The following INSYN2A variants were observed in gnomAD, a reference collection of about 807,000 sequenced individuals.
INSYN2A encodes inhibitory synaptic factor 2A, also known as family with sequence similarity 196 member A.
In INSYN2A, 17 loss-of-function variants were observed where a neutral mutation model predicts 39.4. That is an observed-to-expected ratio of 0.43 (90% CI 0.30 to 0.65). INSYN2A has a LOEUF of 0.65. Among genes scored for constraint, INSYN2A ranks in the 30% least tolerant of loss-of-function variants. The pLI is 0.14. For missense variants in INSYN2A, 595 were observed against 631.2 expected (o/e 0.94, Z 0.61); for synonymous variants, 255 against 265.7 (o/e 0.96, Z 0.39).
chr10:127,142,882 G>C (rs966890630), intron 5 of INSYN2A, among the ~76,000 whole-genome samples: 2 of 152,132 alleles, frequency 1.3e-5, no homozygotes, highest in African/African-American at 4.8e-5. Context: ...TTTTAAGTGT[G>C]GGGACTTTCT....
intron 2 of INSYN2A, among the ~76,000 whole-genome samples, chr10:127,179,856 G>A (rs1265214275): frequency 6.6e-6 from 1 of 152,172 alleles, no homozygotes; most frequent in Admixed American, 6.5e-5. Context: ...GTGCTCCTAT[G>A]TGCTAATCAA....
chr10:127,180,895 T>C (rs548566689), intron 2 of INSYN2A, among the ~76,000 whole-genome samples: 22 of 152,344 alleles, frequency 1.4e-4, no homozygotes, highest in South Asian at 4.1e-4. Context: ...GGTATTAAGA[T>C]AGCACATTCG....
At chr10:127,155,012 C>A (rs72834686) in intron 4 of INSYN2A, among the ~76,000 whole-genome samples, 8,001 of 152,138 alleles carry the variant, frequency 0.053, 277 homozygotes, top group Middle Eastern at 0.095. Flanking sequence ...TATTTTGTGT[C>A]CAGGCACAGA....
At chr10:127,191,173 C>A (rs541578931) in intron 2 of INSYN2A, among the ~76,000 whole-genome samples, 1 of 152,134 alleles carries the variant, frequency 6.6e-6, no homozygotes, top group Non-Finnish European at 1.5e-5. Context: ...CAAGCATCAC[C>A]CACGAAGTGA....
chr10:127,151,566 A>T (rs940295589), intron 5 of INSYN2A, among the ~76,000 whole-genome samples: 14 of 152,292 alleles, frequency 9.2e-5, no homozygotes, highest in African/African-American at 3.1e-4. Flanking sequence ...AGGGGGTGAC[A>T]GTCGGGTCTG....
At chr10:127,173,554 T>C (rs1051262063) in intron 4 of INSYN2A, among the ~76,000 whole-genome samples, 3 of 152,226 alleles carry the variant, frequency 2.0e-5, no homozygotes, top group Non-Finnish European at 2.9e-5. Flanking sequence ...GTATGCACAT[T>C]AGTGTACATA....
intron 1 of INSYN2A, among the ~76,000 whole-genome samples, chr10:127,193,742 T>C (rs2489381): frequency 0.58 from 87,864 of 152,078 alleles, 27,528 homozygotes; most frequent in East Asian, 0.75. Context: ...TATTTATTGA[T>C]TTATTTAAAA....
At chr10:127,189,117 C>T (rs2056534688) in intron 2 of INSYN2A, among the ~76,000 whole-genome samples, 1 of 152,190 alleles carries the variant, frequency 6.6e-6, no homozygotes, top group South Asian at 2.1e-4. Flanking sequence ...ACACTGGATG[C>T]AGGACCTACG....
chr10:127,146,144 G>T (rs117367773), intron 5 of INSYN2A: 13,278 of 461,850 alleles, frequency 0.029, 244 homozygotes, highest in Non-Finnish European at 0.041. Flanking sequence ...GAAACTGACA[G>T]CGTAGTCCCC....
chr10:127,148,141 C>CT (rs1491337883), intron 5 of INSYN2A, among the ~76,000 whole-genome samples: 1 of 152,164 alleles, frequency 6.6e-6, no homozygotes, highest in Non-Finnish European at 1.5e-5. Context: ...CAAGCTCCCC[C>CT]TCTCTGATGT....
At chr10:127,187,865 T>C (rs2056426514) in intron 2 of INSYN2A, among the ~76,000 whole-genome samples, 1 of 152,220 alleles carries the variant, frequency 6.6e-6, no homozygotes, top group African/African-American at 2.4e-5. Context: ...GGATGGAGAC[T>C]GGGTTCCACT....
chr10:127,158,681 A>G (rs947791983), intron 4 of INSYN2A, among the ~76,000 whole-genome samples: 1 of 152,222 alleles, frequency 6.6e-6, no homozygotes, highest in African/African-American at 2.4e-5. Context: ...ACAGGTATAA[A>G]TTGTGAAAAG....
At chr10:127,160,634 T>A (rs2053518941) in intron 4 of INSYN2A, among the ~76,000 whole-genome samples, 1 of 152,244 alleles carries the variant, frequency 6.6e-6, no homozygotes, top group South Asian at 2.1e-4. Flanking sequence ...TTCAAAATGT[T>A]CATTACATAG....
At chr10:127,162,749 G>A (rs1044163916) in intron 4 of INSYN2A, among the ~76,000 whole-genome samples, 2 of 152,142 alleles carry the variant, frequency 1.3e-5, no homozygotes, top group Non-Finnish European at 2.9e-5. Flanking sequence ...CAAAGGAGCC[G>A]ACATAACGAG....
intron 4 of INSYN2A, among the ~76,000 whole-genome samples, chr10:127,172,813 A>C (rs2133855105): frequency 6.6e-6 from 1 of 152,258 alleles, no homozygotes; most frequent in East Asian, 1.9e-4. Context: ...ATGCTTAAGA[A>C]CCAGGCACTG....
rs750530104 is a variant in INSYN2A at position 127,176,104 on chromosome 10, T to C, written c.292A>G (p.Asn98Asp). ...TGCACGCCTGTGCTCTTGGTGACGT[T>C]GGGGATGGACCTGCGTGCGGGCACT... ...MTVPARRSIP[N>D]VTKSTGVQTS... Residue 98 changes from asparagine to aspartate, a missense_variant, in exon 4 of 6, where the codon AAC becomes GAC. Physicochemically the swap from Asn to Asp is conservative, Grantham distance 23. This residue lies in a region of INSYN2A where 478 missense variants were observed against 467.4 expected (regional missense o/e 1.02). Coordinates refer to ENST00000522781, the MANE Select transcript of INSYN2A (RefSeq NM_001039762.3). The surrounding 1 kb of genome is among the most constrained non-coding windows in gnomAD (Gnocchi z 4.4). 1 of 1,614,114 alleles carries C rather than the reference T, an allele frequency of 6.2e-7. No individual in the cohort carries two copies. The highest frequency in any genetic ancestry group is 2.2e-5 in the East Asian group (1 of 44,854).
At chr10:127,147,552 G>A (rs918135637) in intron 5 of INSYN2A, among the ~76,000 whole-genome samples, 9 of 152,114 alleles carry the variant, frequency 5.9e-5, no homozygotes, top group East Asian at 1.9e-4. Flanking sequence ...CCCTCATCCC[G>A]GGGTCCCAGG....
intron 2 of INSYN2A, among the ~76,000 whole-genome samples, chr10:127,184,313 T>C (rs1589825687): frequency 6.7e-6 from 1 of 148,344 alleles, no homozygotes; most frequent in Non-Finnish European, 1.5e-5. Context: ...CTCAATTCAT[T>C]CCCCCCCCAG....
chr10:127,158,594 T>C (rs1447682081), intron 4 of INSYN2A, among the ~76,000 whole-genome samples: 1 of 152,152 alleles, frequency 6.6e-6, no homozygotes, highest in Non-Finnish European at 1.5e-5. Context: ...ATAGAGTCCA[T>C]ATTTGTATTT....
Sources: gnomAD v4.1 joint callset for allele counts (sites outside exome capture counted in the v4.1 genomes callset) on GRCh38, gnomAD v4.1.1 for gene constraint, gnomAD v4.1.1 regional missense constraint, Gnocchi (gnomAD v3.1) non-coding constraint, MANE v1.5 for transcripts, NCBI Gene and HGNC (gene_info 2026-07-23, HGNC 2026-07-21) for gene names.